The following LPAR1 variants were observed in gnomAD, a reference collection of about 807,000 sequenced individuals.
The protein encoded by LPAR1 is lysophosphatidic acid receptor 1.
In LPAR1, 5 loss-of-function variants were observed where a neutral mutation model predicts 23.8. The observed-to-expected ratio is 0.21, with a 90% CI of 0.11 to 0.44. LPAR1 has a LOEUF of 0.44. LPAR1 is among the 20% of genes least tolerant of loss of function. LPAR1 has a pLI of 0.99. For missense variants in LPAR1, 311 were observed against 482.8 expected (o/e 0.64, Z 3.33); for synonymous variants, 160 against 164.7 (o/e 0.97, Z 0.22).
At chr9:111,009,998 A>ATATATAT (rs2097298345) in intron 2 of LPAR1, among the ~76,000 whole-genome samples, 2 of 123,436 alleles carry the variant, frequency 1.6e-5, no homozygotes, top group African/African-American at 3.1e-5. Context: ...TAATTAGGAA[A>ATATATAT]ATATATATAT....
intron 5 of LPAR1, among the ~76,000 whole-genome samples, chr9:110,911,147 C>T (rs1295112379): frequency 6.6e-6 from 1 of 152,158 alleles, no homozygotes. Flanking sequence ...AACTTCATTA[C>T]TGTCTCATTT....
chr9:110,918,559 T>C (rs1310297827), intron 5 of LPAR1, among the ~76,000 whole-genome samples: 2 of 152,156 alleles, frequency 1.3e-5, no homozygotes, highest in Non-Finnish European at 2.9e-5. Flanking sequence ...GGATATAAGA[T>C]TTCTAGCCAT....
chr9:110,985,432 C>T (rs16915632), intron 2 of LPAR1, among the ~76,000 whole-genome samples: 1 of 19,590 alleles, frequency 5.1e-5, no homozygotes, highest in African/African-American at 1.5e-4. Context: ...ATCATTTTTT[C>T]TACAGGGCAC....
At chr9:110,914,856 T>C (rs542745412) in intron 5 of LPAR1, among the ~76,000 whole-genome samples, 1 of 152,304 alleles carries the variant, frequency 6.6e-6, no homozygotes, top group East Asian at 1.9e-4. Flanking sequence ...AAAATTAATG[T>C]TTTAGCTCTC....
chr9:110,956,425 A>G lies in LPAR1; in HGVS notation c.46-14257T>C, dbSNP rs1012449249. ...AATACTATGTGTAGTAGGGAATAAA[A>G]GTTAATATTTAAAAAATAAAGAAAG... On this transcript the variant is annotated intron_variant, in intron 4 of 5. Transcript: ENST00000683809. Among the ~76,000 whole-genome samples, 7 of 152,212 alleles carry G rather than the reference A, an allele frequency of 4.6e-5. No homozygotes were observed. The East Asian group carries it at 1.3e-3, about 29-fold the overall frequency.
At chr9:110,982,741 G>A (rs1287781369) in intron 2 of LPAR1, among the ~76,000 whole-genome samples, 2 of 151,380 alleles carry the variant, frequency 1.3e-5, no homozygotes, top group African/African-American at 2.4e-5. Flanking sequence ...AAGTTACTTA[G>A]CAATAAAAGT....
At chr9:110,967,329 A>G (rs1015532334) in intron 4 of LPAR1, among the ~76,000 whole-genome samples, 2 of 152,180 alleles carry the variant, frequency 1.3e-5, no homozygotes, top group East Asian at 3.9e-4. Flanking sequence ...ATATCTTTCA[A>G]CTAACTAAAC....
intron 5 of LPAR1, among the ~76,000 whole-genome samples, chr9:110,888,009 A>G (rs2082877851): frequency 6.6e-6 from 1 of 152,230 alleles, no homozygotes; most frequent in African/African-American, 2.4e-5. Context: ...GTAGAATCCT[A>G]TTCAATTCCA....
At chr9:110,937,225 C>T (rs990951660) in intron 5 of LPAR1, among the ~76,000 whole-genome samples, 1 of 152,234 alleles carries the variant, frequency 6.6e-6, no homozygotes, top group Non-Finnish European at 1.5e-5. Flanking sequence ...GTCAGCACAG[C>T]TAGGCAGTTT....
rs2078536687 is a variant in LPAR1 at position 110,873,533 on chromosome 9, T to G, written c.*1888A>C. 6.6e-6 allele frequency: 1 copy of G among 152,454 alleles called. No homozygotes were observed. Among genetic ancestry groups the G allele is most frequent in the African/African-American group, 2.4e-5 (1 of 41,428 alleles). 9.4% of individuals were successfully genotyped at this position (152,454 alleles called of 1,614,324 possible). A position where few individuals can be genotyped will look rare whatever the true frequency, so the allele number is the denominator to read the frequency against. ...ATCCTCCTTCCTAGACAGCCATTCA[T>G]CTCCCGGACTTCTTTCTCTCAGACA... On this transcript the variant is annotated 3_prime_UTR_variant, in exon 6 of 6. Transcript: ENST00000683809.
chr9:110,886,537 T>C (rs1420115527), intron 5 of LPAR1, among the ~76,000 whole-genome samples: 4 of 151,850 alleles, frequency 2.6e-5, no homozygotes, highest in Non-Finnish European at 4.4e-5. Flanking sequence ...TATATACACA[T>C]ATGTATGCAT....
chr9:110,893,737 G>T (rs1046042264), intron 5 of LPAR1, among the ~76,000 whole-genome samples: 2 of 152,166 alleles, frequency 1.3e-5, no homozygotes, highest in African/African-American at 4.8e-5. Context: ...CACAAACGTG[G>T]TCTCAATTCC....
rs2097890019 is a variant in LPAR1 at position 111,036,191 on chromosome 9, G to A, written c.-251C>T. On this transcript the variant is annotated 5_prime_UTR_variant, in exon 2 of 6. Coordinates refer to ENST00000683809, the MANE Select transcript of LPAR1 (RefSeq NM_001351411.2). ...TGCTGAGTGCCCACAGACCTGGGCA[G>A]GAGCTGTTCCCTTGAGAGACAATGA... is the stretch of plus-strand genomic sequence containing the variant. 1 of 152,190 alleles carries A rather than the reference G, an allele frequency of 6.6e-6. No individual in the cohort carries two copies. Among genetic ancestry groups the A allele is most frequent in the South Asian group, 2.1e-4 (1 of 4,828 alleles). The allele number at this position is 152,190 out of a possible 1,614,324, so 9.4% of individuals were successfully genotyped here.
intron 5 of LPAR1, among the ~76,000 whole-genome samples, chr9:110,919,220 A>C (rs1015743562): frequency 2.0e-5 from 3 of 151,822 alleles, no homozygotes; most frequent in Non-Finnish European, 4.4e-5. Flanking sequence ...CTCTCCCTCT[A>C]TCTCTCCCTC....
At chr9:110,895,031 AG>A (rs2085845568) in intron 5 of LPAR1, among the ~76,000 whole-genome samples, 1 of 152,248 alleles carries the variant, frequency 6.6e-6, no homozygotes, top group Non-Finnish European at 1.5e-5. Context: ...AAATAAAAAA[AG>A]AATATAAAAT....
At chr9:110,962,761 A>C (rs2096052219) in intron 4 of LPAR1, among the ~76,000 whole-genome samples, 1 of 152,214 alleles carries the variant, frequency 6.6e-6, no homozygotes, top group Non-Finnish European at 1.5e-5. Flanking sequence ...GATAAGTTTA[A>C]CTTAAGGGCA....
chr9:110,886,315 G>T (rs2082364920), intron 5 of LPAR1, among the ~76,000 whole-genome samples: 1 of 134,994 alleles, frequency 7.4e-6, no homozygotes, highest in African/African-American at 2.8e-5. Context: ...AGTGAGCAAA[G>T]ATTGCACCAT....
At chr9:110,922,957 T>C (rs1029896227) in intron 5 of LPAR1, among the ~76,000 whole-genome samples, 6 of 151,638 alleles carry the variant, frequency 4.0e-5, no homozygotes, top group African/African-American at 1.5e-4. Context: ...ATCATCCACA[T>C]TGGGTATTTC....
At chr9:110,943,555 T>C (rs1184111474) in intron 4 of LPAR1, among the ~76,000 whole-genome samples, 1 of 152,144 alleles carries the variant, frequency 6.6e-6, no homozygotes, top group Non-Finnish European at 1.5e-5. Flanking sequence ...TCTTTACTTG[T>C]CTGCTTCTTA....
Sources: allele counts gnomAD v4.1 joint callset (sites outside exome capture counted in the v4.1 genomes callset), GRCh38; gene constraint gnomAD v4.1.1; transcripts MANE v1.5; gene names NCBI Gene and HGNC (gene_info 2026-07-23, HGNC 2026-07-21).